The following PCDH15 variants were observed in gnomAD, a reference collection of about 807,000 sequenced individuals.
PCDH15 encodes protocadherin-15.
A neutral mutation model predicts 178.5 loss-of-function variants in PCDH15; 129 were observed. The observed-to-expected ratio is 0.72, with a 90% CI of 0.63 to 0.84. The LOEUF is 0.84. Among genes scored for constraint, PCDH15 ranks in the 40% least tolerant of loss-of-function variants. The probability of loss-of-function intolerance (pLI) is 0.00; values close to 1 mark genes in which losing one functional copy is unlikely to be tolerated. For missense variants in PCDH15, 2,230 were observed against 2,099.9 expected (o/e 1.06, Z -1.21); for synonymous variants, 800 against 732.0 (o/e 1.09, Z -1.50).
At chr10:55,013,979 T>G (rs1840109461) in intron 2 of PCDH15, among the ~76,000 whole-genome samples, 2 of 152,240 alleles carry the variant, frequency 1.3e-5, no homozygotes, top group South Asian at 4.1e-4. Context: ...CCATTGAAGT[T>G]TCTTTTAGTT....
chr10:54,869,181 A>G (rs1953991695), intron 3 of PCDH15: 1 of 152,210 alleles, frequency 6.6e-6, no homozygotes, highest in South Asian at 2.1e-4. Flanking sequence ...AATTTGACAC[A>G]GAGACACAGG....
intron 1 of PCDH15, among the ~76,000 whole-genome samples, chr10:54,703,079 A>G (rs2095328098): frequency 6.6e-6 from 1 of 152,182 alleles, no homozygotes; most frequent in African/African-American, 2.4e-5. Flanking sequence ...CAACATATGC[A>G]AAGTTAGTAA....
Position 55,449,557 on chromosome 10 carries a change from A to G in PCDH15, c.-156+178068T>C, listed in dbSNP as rs1839389262. ...AAATAACAGGTGAATACAATTTTTA[A>G]AGAACTAAAACTAAAAAGGGACATG... On this transcript the variant is annotated intron_variant, in intron 2 of 5. Coordinates refer to the PCDH15 transcript ENST00000613346. Among the ~76,000 whole-genome samples, 3 of 152,148 alleles carry G rather than the reference A, an allele frequency of 2.0e-5. 1 individual carries two copies. The highest frequency in any genetic ancestry group is 1.5e-5 in the Non-Finnish European group (1 of 67,986).
chr10:53,842,494 G>A (rs771557674), intron 28 of PCDH15, among the ~76,000 whole-genome samples: 3 of 152,010 alleles, frequency 2.0e-5, no homozygotes, highest in Non-Finnish European at 2.9e-5. Flanking sequence ...TGATCCGCCC[G>A]CCTCGGCCTT....
intron 25 of PCDH15, among the ~76,000 whole-genome samples, chr10:53,931,737 T>C (rs1256321027): frequency 6.6e-6 from 1 of 152,174 alleles, no homozygotes. Flanking sequence ...AGTACTATGG[T>C]AAAGGTAACT....
intron 2 of PCDH15, among the ~76,000 whole-genome samples, chr10:55,387,844 AT>A (rs896269111): frequency 2.0e-5 from 3 of 151,270 alleles, no homozygotes; most frequent in Admixed American, 2.0e-4. Context: ...ACACCGTGGT[AT>A]TTTTTTTTAA....
chr10:55,228,384 T>C (rs1841114473), intron 1 of PCDH15, among the ~76,000 whole-genome samples: 1 of 151,976 alleles, frequency 6.6e-6, no homozygotes, highest in Non-Finnish European at 1.5e-5. Flanking sequence ...TAGGAACCAG[T>C]ATAGGAGTAG....
At chr10:55,372,312 C>A (rs1297639962) in intron 2 of PCDH15, among the ~76,000 whole-genome samples, 1 of 151,750 alleles carries the variant, frequency 6.6e-6, no homozygotes, top group Non-Finnish European at 1.5e-5. Context: ...GCACACCCAC[C>A]CATATGGCAG....
At chr10:55,530,970 G>A (rs889880822) in intron 2 of PCDH15, among the ~76,000 whole-genome samples, 26 of 151,778 alleles carry the variant, frequency 1.7e-4, no homozygotes, top group African/African-American at 5.5e-4. Flanking sequence ...GGAAGTATTT[G>A]CAGCATCACA....
At chr10:54,752,495 A>AC (rs879681204) in intron 1 of PCDH15, among the ~76,000 whole-genome samples, 12,489 of 105,252 alleles carry the variant, frequency 0.12, 2,457 homozygotes, top group Middle Eastern at 0.19. Flanking sequence ...AAAAAAACAA[A>AC]AAACAAAAAA....
At chr10:53,808,600 CTCCCTT>C in intron 37 of PCDH15, 1 of 1,481,182 alleles carries the variant, frequency 6.8e-7, no homozygotes, top group Non-Finnish European at 9.0e-7. Context: ...GATCAATTTC[CTCCCTT>C]TCAAGTGTCA....
intron 2 of PCDH15, among the ~76,000 whole-genome samples, chr10:54,571,159 C>G (rs1370498717): frequency 6.6e-6 from 1 of 151,790 alleles, no homozygotes; most frequent in Non-Finnish European, 1.5e-5. Flanking sequence ...GAGTGGAGGG[C>G]CTCGAGCCAG....
intron 2 of PCDH15, among the ~76,000 whole-genome samples, chr10:55,486,665 C>CT (rs1344350117): frequency 1.3e-5 from 2 of 151,454 alleles, no homozygotes; most frequent in East Asian, 3.9e-4. Flanking sequence ...TTTGCTGAAT[C>CT]TTTTTTATTT....
At chr10:54,811,943 C>T (rs1316862266) in intron 3 of PCDH15, among the ~76,000 whole-genome samples, 2 of 152,096 alleles carry the variant, frequency 1.3e-5, no homozygotes, top group African/African-American at 4.8e-5. Flanking sequence ...AAAACTTCAT[C>T]TTAAATCCTG....
At chr10:55,135,037 T>C (rs1838151513) in intron 2 of PCDH15, among the ~76,000 whole-genome samples, 2 of 152,180 alleles carry the variant, frequency 1.3e-5, no homozygotes, top group Admixed American at 1.3e-4. Context: ...CACTCCTATA[T>C]AAGCGCCATC....
chr10:53,945,740 G>A (rs1252455628), intron 23 of PCDH15, among the ~76,000 whole-genome samples: 3 of 150,458 alleles, frequency 2.0e-5, no homozygotes, highest in Non-Finnish European at 3.0e-5. Flanking sequence ...ACAAATGAAC[G>A]TATTTGAGAC....
chr10:54,832,211 T>G (rs1022067050), intron 3 of PCDH15, among the ~76,000 whole-genome samples: 1 of 152,094 alleles, frequency 6.6e-6, no homozygotes, highest in Non-Finnish European at 1.5e-5. Flanking sequence ...TGGAACAGGA[T>G]GAGGAACCCC....
At chr10:55,578,514 C>T (rs915824028) in intron 2 of PCDH15, among the ~76,000 whole-genome samples, 16 of 152,080 alleles carry the variant, frequency 1.1e-4, no homozygotes, top group Non-Finnish European at 5.9e-5. Flanking sequence ...CCACTGCGCC[C>T]GGCCTGAAAC....
chr10:54,981,070 A>AT (rs996480486), intron 2 of PCDH15, among the ~76,000 whole-genome samples: 56 of 152,200 alleles, frequency 3.7e-4, no homozygotes, highest in African/African-American at 1.4e-3. Context: ...ATACTTTCAA[A>AT]TTGTATCCAA....
Sources: gnomAD v4.1 joint callset for allele counts (sites outside exome capture counted in the v4.1 genomes callset) on GRCh38, gnomAD v4.1.1 for gene constraint, MANE v1.5 for transcripts, NCBI Gene and HGNC (gene_info 2026-07-23, HGNC 2026-07-21) for gene names.